The following DPYD variants were observed in gnomAD, a reference collection of about 807,000 sequenced individuals.
The protein encoded by DPYD is dihydropyrimidine dehydrogenase, also known as dihydropyrimidine dehydrogenase [NADP(+)].
DPYD carries 109 observed loss-of-function variants against 116.2 expected under a neutral mutation model. That is an observed-to-expected ratio of 0.94 (90% CI 0.80 to 1.10). The LOEUF (loss-of-function observed/expected upper bound fraction) is 1.10, where lower values mean the gene tolerates loss of function less well. Ranked by LOEUF, DPYD falls within the 50% of genes least tolerant of loss-of-function variation. DPYD has a pLI of 0.00. For missense variants in DPYD, 1,302 were observed against 1,254.5 expected (o/e 1.04, Z -0.57); for synonymous variants, 440 against 432.0 (o/e 1.02, Z -0.23).
At chr1:97,798,388 A>G (rs918573448) in intron 3 of DPYD, among the ~76,000 whole-genome samples, 1 of 152,000 alleles carries the variant, frequency 6.6e-6, no homozygotes, top group Non-Finnish European at 1.5e-5. Context: ...CCCTGTGACA[A>G]TCAAGCAAAT....
At chr1:97,227,225 G>C (rs1212305037) in intron 19 of DPYD, among the ~76,000 whole-genome samples, 1 of 150,740 alleles carries the variant, frequency 6.6e-6, no homozygotes, top group Non-Finnish European at 1.5e-5. Context: ...TACTCGGGAG[G>C]CTGAGGCAGG....
intron 3 of DPYD, among the ~76,000 whole-genome samples, chr1:97,796,282 G>C (rs958065104): frequency 1.3e-5 from 2 of 151,946 alleles, no homozygotes; most frequent in African/African-American, 4.8e-5. Context: ...TGTTTTCCTT[G>C]TCCTAAGCAA....
chr1:97,107,443 T>C (rs1039607054), intron 20 of DPYD, among the ~76,000 whole-genome samples: 4 of 151,918 alleles, frequency 2.6e-5, no homozygotes, highest in Non-Finnish European at 5.9e-5. Flanking sequence ...GATGATGAGG[T>C]AGGGGAGGTG....
In DPYD at chr1:97,227,038, A is replaced by G. The variant is rs567347596; in HGVS notation, c.2442+7814T>C. ...TGAAGCAAATTTTGCTATGAAAAGC[A>G]ATAATTGGGCTGGGCATGGTGGCTC... is the stretch of plus-strand genomic sequence containing the variant. On this transcript the variant is annotated intron_variant, in intron 19 of 22. Transcript: ENST00000370192. Among the ~76,000 whole-genome samples the G allele has an allele frequency of 2.6e-4, 39 of 152,254 alleles. 1 individual carries two copies. The South Asian group carries it at 7.9e-3, about 31-fold the overall frequency.
At chr1:97,539,871 G>A (rs1650295487) in intron 12 of DPYD, among the ~76,000 whole-genome samples, 2 of 152,056 alleles carry the variant, frequency 1.3e-5, no homozygotes, top group African/African-American at 4.8e-5. Flanking sequence ...AAAACATGAT[G>A]AGATATCCAT....
At chr1:97,395,078 T>C (rs551654749) in intron 14 of DPYD, among the ~76,000 whole-genome samples, 4 of 151,998 alleles carry the variant, frequency 2.6e-5, no homozygotes, top group African/African-American at 9.6e-5. Flanking sequence ...CTGTGCCCTA[T>C]TGCTCCTCTG....
At chr1:97,531,082 T>C (rs1649590067) in intron 12 of DPYD, among the ~76,000 whole-genome samples, 1 of 152,220 alleles carries the variant, frequency 6.6e-6, no homozygotes, top group South Asian at 2.1e-4. Context: ...ACTCTGTTGA[T>C]TGTTTCCTTA....
chr1:97,654,356 T>G (rs1658771241), intron 8 of DPYD, among the ~76,000 whole-genome samples: 1 of 152,170 alleles, frequency 6.6e-6, no homozygotes, highest in South Asian at 2.1e-4. Flanking sequence ...TTCCTATCAC[T>G]AAATTCTTTA....
chr1:97,534,537 C>T (rs1649856269), intron 12 of DPYD, among the ~76,000 whole-genome samples: 1 of 152,014 alleles, frequency 6.6e-6, no homozygotes. Context: ...GTTTTAACAC[C>T]TTAAGAAAGG....
chr1:97,118,010 C>A (rs771884187), intron 20 of DPYD, among the ~76,000 whole-genome samples: 1 of 152,068 alleles, frequency 6.6e-6, no homozygotes, highest in Non-Finnish European at 1.5e-5. Flanking sequence ...TTCTCTCCTG[C>A]GTTTGAGGTA....
At chr1:97,767,968 G>T (rs543530949) in intron 3 of DPYD, among the ~76,000 whole-genome samples, 1 of 152,094 alleles carries the variant, frequency 6.6e-6, no homozygotes, top group South Asian at 2.1e-4. Flanking sequence ...GATGAGATTT[G>T]TCAAAGTTAA....
chr1:97,779,422 G>A (rs938728605), intron 3 of DPYD, among the ~76,000 whole-genome samples: 7 of 151,976 alleles, frequency 4.6e-5, no homozygotes, highest in South Asian at 2.1e-4. Context: ...AAATACACTA[G>A]TGTGTGAAAT....
chr1:97,537,000 A>G (rs1650051146), intron 12 of DPYD, among the ~76,000 whole-genome samples: 3 of 152,236 alleles, frequency 2.0e-5, no homozygotes, highest in Admixed American at 1.3e-4. Context: ...AATCACTGGT[A>G]TATTTCAGGG....
intron 18 of DPYD, among the ~76,000 whole-genome samples, chr1:97,291,487 C>G (rs1304629137): frequency 6.6e-6 from 1 of 152,004 alleles, no homozygotes; most frequent in Non-Finnish European, 1.5e-5. Flanking sequence ...CACATATACA[C>G]CATGGAATAC....
chr1:97,741,413 C>G (rs1345028360), intron 3 of DPYD, among the ~76,000 whole-genome samples: 1 of 152,112 alleles, frequency 6.6e-6, no homozygotes, highest in African/African-American at 2.4e-5. Flanking sequence ...ATAAATGGCA[C>G]AGACTTCACA....
intron 5 of DPYD, among the ~76,000 whole-genome samples, chr1:97,705,896 A>T (rs1189989140): frequency 6.6e-6 from 1 of 151,750 alleles, no homozygotes; most frequent in African/African-American, 2.4e-5. Flanking sequence ...GATGATGAGC[A>T]TTTTTTCATG....
At chr1:97,209,660 G>A (rs990611227) in intron 19 of DPYD, among the ~76,000 whole-genome samples, 38 of 152,122 alleles carry the variant, frequency 2.5e-4, no homozygotes, top group African/African-American at 7.9e-4. Context: ...TAATATCCAC[G>A]ATGTACTGAT....
chr1:97,874,222 A>G (rs1671794741), intron 2 of DPYD, among the ~76,000 whole-genome samples: 2 of 151,974 alleles, frequency 1.3e-5, no homozygotes, highest in African/African-American at 4.8e-5. Flanking sequence ...AACTTCAGAA[A>G]AAATGAGTGA....
At chr1:97,230,786 A>G (rs1661540327) in intron 19 of DPYD, among the ~76,000 whole-genome samples, 1 of 152,120 alleles carries the variant, frequency 6.6e-6, no homozygotes, top group African/African-American at 2.4e-5. Context: ...AGCCATGGAG[A>G]GAACAAGAGT....
Sources: gnomAD v4.1 joint callset for allele counts (sites outside exome capture counted in the v4.1 genomes callset) on GRCh38, gnomAD v4.1.1 for gene constraint, MANE v1.5 for transcripts, NCBI Gene and HGNC (gene_info 2026-07-23, HGNC 2026-07-21) for gene names.